The following B4GALNT3 variants were observed in gnomAD, a reference collection of about 807,000 sequenced individuals.
B4GALNT3 encodes beta-1,4-N-acetylgalactosaminyltransferase 3.
B4GALNT3 carries 86 observed loss-of-function variants against 120.2 expected under a neutral mutation model. That is an observed-to-expected ratio of 0.72 (90% CI 0.60 to 0.86). B4GALNT3 has a LOEUF of 0.86. Ranked by LOEUF, B4GALNT3 falls within the 40% of genes least tolerant of loss-of-function variation. The pLI is 0.00. For missense variants in B4GALNT3, 1,167 were observed against 1,298.9 expected (o/e 0.90, Z 1.56); for synonymous variants, 518 against 510.4 (o/e 1.01, Z -0.20).
intron 1 of B4GALNT3, among the ~76,000 whole-genome samples, chr12:462,028 G>A (rs562682841): frequency 1.3e-5 from 2 of 152,204 alleles, no homozygotes; most frequent in South Asian, 2.1e-4. Context: ...CTTCCACCCC[G>A]GGGCCACGAC....
intron 1 of B4GALNT3, among the ~76,000 whole-genome samples, chr12:468,773 C>CT (rs1186744940): frequency 6.6e-6 from 1 of 152,238 alleles, no homozygotes; most frequent in African/African-American, 2.4e-5. Context: ...AGGGAATAGA[C>CT]TTCATGTGTC....
intron 3 of B4GALNT3, among the ~76,000 whole-genome samples, chr12:540,187 G>GTGCC (rs1369004748): frequency 6.6e-6 from 1 of 152,222 alleles, no homozygotes; most frequent in African/African-American, 2.4e-5. Context: ...GAGGCTGACG[G>GTGCC]TGCCTGCCTT....
Position 561,619 on chromosome 12 carries a change from C to T in B4GALNT3, c.*168C>T, listed in dbSNP as rs565989075. 4.5e-5 allele frequency: 27 copies of T among 597,430 alleles called. No individual in the cohort carries two copies. Among genetic ancestry groups the T allele is most frequent in the African/African-American group, 2.0e-4 (11 of 53,850 alleles). The allele number at this position is 597,430 out of a possible 1,614,324, so 37.0% of individuals were successfully genotyped here. ...GCTGTCCCCTCACAGAGGCAGGTTC[C>T]GGGGCTCCTGTCTCTGCCTCCTGGG... On this transcript the variant is annotated 3_prime_UTR_variant, in exon 20 of 20. Coordinates refer to ENST00000266383, the MANE Select transcript of B4GALNT3 (RefSeq NM_173593.4).
At chr12:524,455 C>A (rs1227030537) in intron 1 of B4GALNT3, among the ~76,000 whole-genome samples, 1 of 152,090 alleles carries the variant, frequency 6.6e-6, no homozygotes, top group African/African-American at 2.4e-5. Context: ...CCAAAAGGAG[C>A]CGTCAGGTGG....
At position 561,768 on chromosome 12, in the gene B4GALNT3, T is replaced by A. The variant is rs1371908419; in HGVS notation, c.*317T>A. ...ATCTGACTGAGCGACACCATCCTCA[T>A]CCATGAAGGTGCACGCCCACATCCC... On this transcript the variant is annotated 3_prime_UTR_variant, in exon 20 of 20. Coordinates refer to ENST00000266383, the MANE Select transcript of B4GALNT3 (RefSeq NM_173593.4). 1 of 267,360 alleles carries A rather than the reference T, an allele frequency of 3.7e-6. No individual in the cohort carries two copies. Among genetic ancestry groups the A allele is most frequent in the African/African-American group, 2.2e-5 (1 of 45,266 alleles). 16.6% of individuals were successfully genotyped at this position (267,360 alleles called of 1,614,324 possible).
intron 1 of B4GALNT3, among the ~76,000 whole-genome samples, chr12:511,615 CTTCCACCTT>C (rs1346326336): frequency 3.3e-5 from 4 of 122,130 alleles, no homozygotes; most frequent in East Asian, 2.7e-4. Flanking sequence ...CTTCGACCTT[CTTCCACCTT>C]CGACCTTCCA....
chr12:495,489 G>A (rs1197341697), intron 1 of B4GALNT3, among the ~76,000 whole-genome samples: 3 of 152,212 alleles, frequency 2.0e-5, no homozygotes, highest in Non-Finnish European at 4.4e-5. Context: ...AATAGGTGAG[G>A]TAAAATTACC....
intron 1 of B4GALNT3, among the ~76,000 whole-genome samples, chr12:468,011 A>G (rs1359586477): frequency 6.6e-6 from 1 of 152,062 alleles, no homozygotes; most frequent in East Asian, 1.9e-4. Flanking sequence ...TATGATCTGT[A>G]TTTTTCTACT....
At position 506,585 on chromosome 12, in the gene B4GALNT3, C is replaced by T. The variant is rs529735289; in HGVS notation, c.170-28581C>T. Among the ~76,000 whole-genome samples the T allele has an allele frequency of 1.1e-4, 16 of 152,212 alleles. No homozygotes were observed. In the South Asian group the frequency reaches 3.1e-3, roughly 30 times the overall value. On this transcript the variant is annotated intron_variant, in intron 1 of 19. Coordinates refer to ENST00000266383, the MANE Select transcript of B4GALNT3 (RefSeq NM_173593.4). The stretch of plus-strand genomic sequence containing the variant: ...TTTCTATGCCTCTGTGATGCCTGTA[C>T]ACATACACATAGAGGCTCCTATACT...
chr12:537,950 CCCT>C (rs1233707375), intron 3 of B4GALNT3, among the ~76,000 whole-genome samples: 1 of 152,206 alleles, frequency 6.6e-6, no homozygotes, highest in East Asian at 1.9e-4. Flanking sequence ...CCTTTTAAAG[CCCT>C]GGGAGAGGAT....
chr12:539,556 GAAAC>G (rs1946895064), intron 3 of B4GALNT3, among the ~76,000 whole-genome samples: 1 of 140,762 alleles, frequency 7.1e-6, no homozygotes, highest in Admixed American at 7.0e-5. Context: ...AAAAAAGAAA[GAAAC>G]AGCTTTATTG....
At chr12:551,544 G>A (rs889941245) in intron 11 of B4GALNT3, among the ~76,000 whole-genome samples, 1 of 152,220 alleles carries the variant, frequency 6.6e-6, no homozygotes, top group Non-Finnish European at 1.5e-5. Context: ...AGGAAGAGCT[G>A]GAGGGCAGAA....
Position 552,172 on chromosome 12 carries a change from C to T in B4GALNT3, c.1208+9C>T. 1 of 1,589,636 alleles carries T rather than the reference C, an allele frequency of 6.3e-7. No homozygotes were observed. The highest frequency in any genetic ancestry group is 8.6e-7 in the Non-Finnish European group (1 of 1,157,840). On this transcript the variant is annotated intron_variant, in intron 12 of 19. Transcript: ENST00000266383. Reference sequence around the variant, plus strand: ...GCCTACTACCAAGACCGGTGAGAGACACTGAGTGGGGCAGGAAGGTGACCT... The same window carrying T: ...GCCTACTACCAAGACCGGTGAGAGATACTGAGTGGGGCAGGAAGGTGACCT...
Position 545,376 on chromosome 12 carries a change from C to G in B4GALNT3, c.546C>G (p.Ile182Met). ...ACTCTCCCCGCTGCCCAGGGAAAAT[C>G]CAGTTTGCCATTGCTGCAGATGACA... ...GYLHPFTDGK[I>M]QFAIAADDNA... Residue 182 changes from isoleucine (I) to methionine (M), a missense_variant, in exon 6 of 20, where the codon ATC becomes ATG. Physicochemically the swap from Ile to Met is conservative, Grantham distance 10. Around this residue, in one of 3 missense-constraint regions of B4GALNT3, gnomAD observed 983 missense variants for 1,102.5 expected, o/e 0.89. Coordinates refer to ENST00000266383, the MANE Select transcript of B4GALNT3 (RefSeq NM_173593.4). The G allele has an allele frequency of 6.2e-7, 1 of 1,610,914 alleles. No homozygotes were observed. Among genetic ancestry groups the G allele is most frequent in the Non-Finnish European group, 8.5e-7 (1 of 1,179,132 alleles).
rs1251093923 is a variant in B4GALNT3, at chr12:558,029, A to G, written c.2548A>G (p.Lys850Glu). Residue 850 changes from lysine to glutamate, a missense_variant, in exon 17 of 20, where the codon AAG (lysine) becomes GAG (glutamate). By Grantham distance (56) the Lys-to-Glu change is moderately conservative. Coordinates refer to ENST00000266383, the MANE Select transcript of B4GALNT3 (RefSeq NM_173593.4). ...CCCTTCCTGCAGCTACCAGTACGTGAAGCTAAGTGGAAACTTTGAACGCTC... is the reference window on the plus strand; with the variant it reads ...CCCTTCCTGCAGCTACCAGTACGTGGAGCTAAGTGGAAACTTTGAACGCTC... ...RSKLRSYQYVKLSGNFERSAG... is the reference protein window; with the variant it reads ...RSKLRSYQYVELSGNFERSAG... The G allele has an allele frequency of 1.2e-6, 2 of 1,613,996 alleles. No homozygotes were observed. Among genetic ancestry groups the G allele is most frequent in the Admixed American group, 3.3e-5 (2 of 60,028 alleles).
chr12:546,665 C>T lies in B4GALNT3; in HGVS notation c.659C>T (p.Ala220Val), dbSNP rs749360034. ...SVGKTGKEWT[A>V]PGEFGKFRSQ... is the part of the protein sequence containing the mutation. ...CTCTAGACTGGAAAGGAGTGGACCGCCCCGGGAGAGTTTGGGAAATTTCGG... is the reference window on the plus strand; with the variant it reads ...CTCTAGACTGGAAAGGAGTGGACCGTCCCGGGAGAGTTTGGGAAATTTCGG... Residue 220 changes from alanine to valine, a missense_variant, in exon 7 of 20, where the codon GCC becomes GTC. Ala to Val is a moderately conservative substitution (Grantham distance 64, BLOSUM62 0). Coordinates refer to ENST00000266383, the MANE Select transcript of B4GALNT3 (RefSeq NM_173593.4). The T allele has an allele frequency of 1.3e-6, 2 of 1,551,582 alleles. No homozygotes were observed. The highest frequency in any genetic ancestry group is 2.4e-5 in the East Asian group (1 of 40,912).
intron 1 of B4GALNT3, among the ~76,000 whole-genome samples, chr12:477,188 T>C (rs1946193711): frequency 6.6e-6 from 1 of 152,230 alleles, no homozygotes; most frequent in Admixed American, 6.5e-5. Flanking sequence ...ATTCCCTTTT[T>C]GTTTGCTGAG....
At chr12:475,154 A>AT (rs1328249611) in intron 1 of B4GALNT3, among the ~76,000 whole-genome samples, 2 of 152,016 alleles carry the variant, frequency 1.3e-5, no homozygotes, top group Non-Finnish European at 2.9e-5. Context: ...GAAAAAAGGA[A>AT]TCTGGTGAAG....
In B4GALNT3 at chr12:548,870, T is replaced by C. The variant is rs2120710822; in HGVS notation, c.853+573T>C. On this transcript the variant is annotated intron_variant, in intron 9 of 19. Transcript: ENST00000266383. This position sits in a 1 kb window ranked among gnomAD's most constrained non-coding sequence, Gnocchi z 4.9. ...GTGAGCTGTAATTGGGTCACTGTGCTCCAGCCTGGGCAACAGAGCAAGACG... is the reference window on the plus strand; with the variant it reads ...GTGAGCTGTAATTGGGTCACTGTGCCCCAGCCTGGGCAACAGAGCAAGACG... 1.3e-5 allele frequency among the ~76,000 whole-genome samples: 2 copies of C among 152,224 alleles called. No individual in the cohort carries two copies. The highest frequency in any genetic ancestry group is 4.2e-4 in the South Asian group (2 of 4,814).
Sources: allele counts gnomAD v4.1 joint callset (sites outside exome capture counted in the v4.1 genomes callset), GRCh38; gene constraint gnomAD v4.1.1; regional missense constraint gnomAD v4.1.1; non-coding constraint Gnocchi (gnomAD v3.1); transcripts MANE v1.5; gene names NCBI Gene and HGNC (gene_info 2026-07-23, HGNC 2026-07-21).